The following COL19A1 variants were observed in gnomAD, a reference collection of about 807,000 sequenced individuals.
COL19A1 encodes collagen alpha-1(XIX) chain.
A neutral mutation model predicts 190.2 loss-of-function variants in COL19A1; 159 were observed. The observed-to-expected ratio is 0.84, with a 90% CI of 0.73 to 0.95. The LOEUF (loss-of-function observed/expected upper bound fraction) is 0.95. Among genes scored for constraint, COL19A1 ranks in the 40% least tolerant of loss-of-function variants. The probability of loss-of-function intolerance (pLI) is 0.00; values close to 1 mark genes in which losing one functional copy is unlikely to be tolerated. For missense variants in COL19A1, 1,418 were observed against 1,431.9 expected (o/e 0.99, Z 0.16); for synonymous variants, 509 against 458.9 (o/e 1.11, Z -1.39).
chr6:70,089,393 T>G (rs540971054), intron 15 of COL19A1, among the ~76,000 whole-genome samples: 2 of 152,260 alleles, frequency 1.3e-5, no homozygotes, highest in South Asian at 4.1e-4. Context: ...GATTCTATAT[T>G]TTAAAAGATG....
At chr6:70,057,639 G>A (rs1298726133) in intron 14 of COL19A1, among the ~76,000 whole-genome samples, 1 of 151,996 alleles carries the variant, frequency 6.6e-6, no homozygotes, top group African/African-American at 2.4e-5. Flanking sequence ...CCTAATCAAT[G>A]TGAGATAAAT....
At chr6:70,172,684 A>G (rs1384197963) in intron 41 of COL19A1, among the ~76,000 whole-genome samples, 1 of 152,198 alleles carries the variant, frequency 6.6e-6, no homozygotes, top group African/African-American at 2.4e-5. Flanking sequence ...ATCTTTGTTC[A>G]TGATATGTTA....
chr6:69,939,883 A>G (rs1483995472), intron 9 of COL19A1, among the ~76,000 whole-genome samples: 1 of 152,074 alleles, frequency 6.6e-6, no homozygotes, highest in Non-Finnish European at 1.5e-5. Flanking sequence ...CTATACTATA[A>G]AGTGACACCA....
chr6:69,892,313 A>G (rs988416175), intron 2 of COL19A1, among the ~76,000 whole-genome samples: 1 of 152,234 alleles, frequency 6.6e-6, no homozygotes, highest in Admixed American at 6.5e-5. Context: ...GTTGGTTCAC[A>G]GGAACAAGCA....
At chr6:69,930,626 G>T (rs758745974) in intron 6 of COL19A1, among the ~76,000 whole-genome samples, 30 of 152,106 alleles carry the variant, frequency 2.0e-4, no homozygotes, top group Non-Finnish European at 4.0e-4. Flanking sequence ...AGACCATCCT[G>T]GCTAACATGG....
intron 48 of COL19A1, among the ~76,000 whole-genome samples, chr6:70,191,581 C>T (rs1766876640): frequency 6.6e-6 from 1 of 152,224 alleles, no homozygotes; most frequent in Non-Finnish European, 1.5e-5. Context: ...AAATCATCTT[C>T]TAATCTATTG....
chr6:69,891,477 T>G (rs1417535069), intron 2 of COL19A1, among the ~76,000 whole-genome samples: 1 of 152,072 alleles, frequency 6.6e-6, no homozygotes, highest in African/African-American at 2.4e-5. Context: ...AGACTAAAGA[T>G]GAATGGCTAC....
At chr6:70,005,546 T>A (rs1777563251) in intron 11 of COL19A1, among the ~76,000 whole-genome samples, 1 of 152,142 alleles carries the variant, frequency 6.6e-6, no homozygotes, top group Non-Finnish European at 1.5e-5. Flanking sequence ...TTCTGGGATC[T>A]CTGACTTCAA....
chr6:70,132,302 G>A (rs931750218), intron 18 of COL19A1, among the ~76,000 whole-genome samples: 13 of 152,048 alleles, frequency 8.5e-5, no homozygotes, highest in African/African-American at 3.1e-4. Context: ...GGGAGGCTGA[G>A]GCAAGAGGAT....
chr6:70,025,282 G>A (rs567565996), intron 12 of COL19A1, among the ~76,000 whole-genome samples: 4 of 152,234 alleles, frequency 2.6e-5, no homozygotes, highest in South Asian at 2.1e-4. Flanking sequence ...CGCCCGCGTC[G>A]GCCTCCCAAA....
chr6:70,113,590 C>T (rs573582644), intron 16 of COL19A1, among the ~76,000 whole-genome samples: 13 of 152,094 alleles, frequency 8.5e-5, no homozygotes, highest in Admixed American at 6.6e-4. Context: ...CTTATAAGCG[C>T]GAAGGCTCCT....
At chr6:70,095,373 T>C (rs1783186345) in intron 15 of COL19A1, among the ~76,000 whole-genome samples, 1 of 152,168 alleles carries the variant, frequency 6.6e-6, no homozygotes, top group Non-Finnish European at 1.5e-5. Flanking sequence ...ACACTACATA[T>C]TTTGGAGGTT....
intron 16 of COL19A1, among the ~76,000 whole-genome samples, chr6:70,116,525 T>C (rs376928376): frequency 2.6e-5 from 4 of 152,208 alleles, no homozygotes; most frequent in African/African-American, 9.6e-5. Context: ...TACTAAGTTA[T>C]GTATAATGTG....
At chr6:69,892,409 T>C (rs1429450890) in intron 2 of COL19A1, among the ~76,000 whole-genome samples, 1 of 152,222 alleles carries the variant, frequency 6.6e-6, no homozygotes, top group East Asian at 1.9e-4. Context: ...TTTTGAAACA[T>C]GATTTCTCTC....
At chr6:70,001,368 A>C (rs1057090877) in intron 11 of COL19A1, among the ~76,000 whole-genome samples, 1 of 152,194 alleles carries the variant, frequency 6.6e-6, no homozygotes, top group Admixed American at 6.5e-5. Context: ...CTTTGATTCC[A>C]TAAGAAATTT....
chr6:70,056,919 G>C (rs1248858557), intron 14 of COL19A1, among the ~76,000 whole-genome samples: 1 of 151,702 alleles, frequency 6.6e-6, no homozygotes, highest in Non-Finnish European at 1.5e-5. Context: ...CTTTCATGTA[G>C]TATGTGAGTA....
At chr6:69,900,393 A>G in intron 4 of COL19A1, 55 bp downstream of exon 4, 1 of 946,360 alleles carries the variant, frequency 1.1e-6, no homozygotes, top group Non-Finnish European at 1.5e-6. Context: ...ATTATTTTCT[A>G]AAGAGATTTC....
rs767633502 is a variant in COL19A1, at chr6:69,969,408, A to AT, written c.1026+6547dup. 1.6e-3 allele frequency among the ~76,000 whole-genome samples: 243 copies of AT among 151,504 alleles called. 3 individuals carry two copies. The highest frequency in any genetic ancestry group is 0.011 in the South Asian group (55 of 4,784). ...AATTTACACTAGGCTTAGCTCAGTG[A>AT]TTTTTTTTTGTCTTAGTTGATCTTA... On this transcript the variant is annotated intron_variant, in intron 11 of 50. Coordinates refer to ENST00000620364, the MANE Select transcript of COL19A1 (RefSeq NM_001858.6).
intron 19 of COL19A1, 79 bp downstream of exon 19, chr6:70,137,826 T>A (rs2150230826): frequency 1.5e-6 from 2 of 1,371,800 alleles, no homozygotes; most frequent in Admixed American, 3.4e-5. Flanking sequence ...TCAGCCCCAA[T>A]TCCACGTGCC....
Sources: allele counts gnomAD v4.1 joint callset (sites outside exome capture counted in the v4.1 genomes callset), GRCh38; gene constraint gnomAD v4.1.1; transcripts MANE v1.5; gene names NCBI Gene and HGNC (gene_info 2026-07-23, HGNC 2026-07-21).